The following TAS2R1 variants were observed in gnomAD, a reference collection of about 807,000 sequenced individuals.
TAS2R1 encodes taste receptor type 2 member 1.
For missense variants in TAS2R1, 370 were observed against 353.4 expected (o/e 1.05, Z -0.38); for synonymous variants, 141 against 134.2 (o/e 1.05, Z -0.35).
chr5:9,867,000 CA>C, the TAS2R1 span: 1 of 152,196 alleles, frequency 6.6e-6, no homozygotes, highest in Admixed American at 6.5e-5. Context: ...CAGAAAGGGG[CA>C]AAAGATGATG....
At chr5:9,788,444 C>A in the TAS2R1 span, among the ~76,000 whole-genome samples, 1 of 152,164 alleles carries the variant, frequency 6.6e-6, no homozygotes, top group Admixed American at 6.5e-5. Flanking sequence ...GTAATCCTTG[C>A]TAGCATCCAG....
chr5:9,742,813 T>G, the TAS2R1 span, among the ~76,000 whole-genome samples: 1 of 152,128 alleles, frequency 6.6e-6, no homozygotes, highest in East Asian at 1.9e-4. Context: ...AAGCTAAAAA[T>G]CTTTACCTGC....
chr5:9,891,463 A>G, the TAS2R1 span, among the ~76,000 whole-genome samples: 1 of 152,128 alleles, frequency 6.6e-6, no homozygotes, highest in Non-Finnish European at 1.5e-5. Flanking sequence ...AACATAACTC[A>G]CATAAGCAAA....
the TAS2R1 span, among the ~76,000 whole-genome samples, chr5:9,830,087 C>A: frequency 6.6e-6 from 1 of 152,150 alleles, no homozygotes; most frequent in Non-Finnish European, 1.5e-5. Flanking sequence ...CATAGACCAC[C>A]CACAGCTTTG....
At chr5:9,720,651 T>C in the TAS2R1 span, among the ~76,000 whole-genome samples, 1 of 152,292 alleles carries the variant, frequency 6.6e-6, no homozygotes, top group Admixed American at 6.5e-5. Flanking sequence ...ATGTATGAAC[T>C]GACTTGGAAA....
chr5:9,794,399 AT>A, the TAS2R1 span, among the ~76,000 whole-genome samples: 1 of 152,114 alleles, frequency 6.6e-6, no homozygotes, highest in African/African-American at 2.4e-5. Context: ...TTTATAAAAT[AT>A]TTTTTAAATG....
At chr5:9,661,855 A>G (rs772203109) in intron 1 of TAS2R1, among the ~76,000 whole-genome samples, 2 of 152,198 alleles carry the variant, frequency 1.3e-5, no homozygotes, top group African/African-American at 2.4e-5. Flanking sequence ...ATGCTGCATC[A>G]TTATCTCTGC....
At chr5:9,701,759 A>T (rs1231282325) in intron 1 of TAS2R1, among the ~76,000 whole-genome samples, 2 of 152,350 alleles carry the variant, frequency 1.3e-5, no homozygotes, top group Non-Finnish European at 2.9e-5. Flanking sequence ...TATAGTTTAT[A>T]AGATAACTAA....
chr5:9,645,231 A>G (rs1366405213), intron 2 of TAS2R1, among the ~76,000 whole-genome samples: 2 of 152,188 alleles, frequency 1.3e-5, no homozygotes, highest in Non-Finnish European at 2.9e-5. Context: ...TCCTCTTGAC[A>G]ATTTTATGAA....
At chr5:9,707,965 C>A (rs1301424872) in intron 1 of TAS2R1, among the ~76,000 whole-genome samples, 1 of 152,136 alleles carries the variant, frequency 6.6e-6, no homozygotes, top group Non-Finnish European at 1.5e-5. Flanking sequence ...TCTGGATGAG[C>A]TGACTCATGG....
At chr5:9,652,450 T>C (rs1325784835) in intron 2 of TAS2R1, among the ~76,000 whole-genome samples, 1 of 152,148 alleles carries the variant, frequency 6.6e-6, no homozygotes, top group African/African-American at 2.4e-5. Context: ...CCAGTTACTA[T>C]CGTCATCCTC....
intron 2 of TAS2R1, among the ~76,000 whole-genome samples, chr5:9,655,819 G>T (rs1740405729): frequency 6.7e-6 from 1 of 150,046 alleles, no homozygotes; most frequent in Non-Finnish European, 1.5e-5. Flanking sequence ...TACCATGTCT[G>T]ACCCTGCTTC....
the TAS2R1 span, among the ~76,000 whole-genome samples, chr5:9,730,531 A>G: frequency 8.5e-5 from 13 of 152,224 alleles, no homozygotes. Context: ...GGCCTGGGGC[A>G]TCGCATGTCC....
chr5:9,796,886 A>G, the TAS2R1 span, among the ~76,000 whole-genome samples: 1 of 152,070 alleles, frequency 6.6e-6, no homozygotes, highest in Non-Finnish European at 1.5e-5. Context: ...ATTTTCCTCC[A>G]CTTGTTTCCT....
At chr5:9,775,661 C>T in the TAS2R1 span, among the ~76,000 whole-genome samples, 934 of 152,154 alleles carry the variant, frequency 6.1e-3, 10 homozygotes, top group African/African-American at 0.022. Flanking sequence ...GTGATGAATC[C>T]TGCCAGGACT....
At chr5:9,630,703 G>T (rs370926529), upstream of TAS2R1, among the ~76,000 whole-genome samples, 4 of 152,284 alleles carry the variant, frequency 2.6e-5, no homozygotes, top group East Asian at 5.8e-4. Flanking sequence ...GTAATGAAAT[G>T]AAGACAAGCA....
the TAS2R1 span, among the ~76,000 whole-genome samples, chr5:9,900,119 T>C: frequency 6.6e-6 from 1 of 152,208 alleles, no homozygotes; most frequent in African/African-American, 2.4e-5. Flanking sequence ...AATTGTATAC[T>C]GGGTACAGAT....
intron 1 of TAS2R1, among the ~76,000 whole-genome samples, chr5:9,689,892 T>C (rs1741200408): frequency 6.6e-6 from 1 of 152,236 alleles, no homozygotes; most frequent in South Asian, 2.1e-4. Context: ...GAAGTAATCA[T>C]CTTGCTTACT....
chr5:9,800,216 A>C, the TAS2R1 span, among the ~76,000 whole-genome samples: 1 of 152,262 alleles, frequency 6.6e-6, no homozygotes, highest in Non-Finnish European at 1.5e-5. Context: ...TGTTCCAAAC[A>C]GCCCCTAACG....
Sources: gnomAD v4.1 joint callset for allele counts (sites outside exome capture counted in the v4.1 genomes callset) on GRCh38, gnomAD v4.1.1 for gene constraint, MANE v1.5 for transcripts, NCBI Gene and HGNC (gene_info 2026-07-23, HGNC 2026-07-21) for gene names.